KDM5B: variants seen among roughly 807,000 people sequenced by gnomAD.
KDM5B encodes lysine-specific demethylase 5B.
A neutral mutation model predicts 193.4 loss-of-function variants in KDM5B; 144 were observed. That is an observed-to-expected ratio of 0.74 (90% confidence interval 0.65 to 0.86). The LOEUF (loss-of-function observed/expected upper bound fraction) is 0.86. Ranked by LOEUF, KDM5B falls within the 40% of genes least tolerant of loss-of-function variation. KDM5B has a pLI of 0.00. For synonymous variants in KDM5B, 668 were observed against 682.6 expected (o/e 0.98, Z 0.33); for missense variants, 1,833 against 1,886.9 (o/e 0.97, Z 0.53).
At chr1:202,758,924 T>G (rs2102268984) in intron 8 of KDM5B, 1 of 155,860 alleles carries the variant, frequency 6.4e-6, no homozygotes, top group South Asian at 1.9e-4. Context: ...AGAATGGCTC[T>G]CAGGCCAGCA....
intron 1 of KDM5B, among the ~76,000 whole-genome samples, chr1:202,801,889 G>T (rs78903212): frequency 0.025 from 3,742 of 152,018 alleles, 84 homozygotes; most frequent in South Asian, 0.11. Flanking sequence ...AAAGAGACTT[G>T]TCGGTACGCC....
intron 22 of KDM5B, among the ~76,000 whole-genome samples, chr1:202,735,156 T>C (rs1437688765): frequency 6.6e-6 from 1 of 152,200 alleles, no homozygotes; most frequent in Non-Finnish European, 1.5e-5. Flanking sequence ...TATCTTTAGT[T>C]AGCATTCCTG....
chr1:202,787,766 G>T (rs1014013878), intron 1 of KDM5B, among the ~76,000 whole-genome samples: 1 of 151,702 alleles, frequency 6.6e-6, no homozygotes, highest in African/African-American at 2.4e-5. Flanking sequence ...GGTGGCGGGC[G>T]CCTGTAATCC....
chr1:202,777,056 A>G lies in KDM5B; in HGVS notation c.243T>C (p.Leu81=), dbSNP rs755893221. 6.2e-7 allele frequency: 1 copy of G among 1,613,692 alleles called. No homozygotes were observed. The highest frequency in any genetic ancestry group is 1.7e-5 in the Admixed American group (1 of 60,024). Residue 81 remains leucine (L), a synonymous_variant, in exon 2 of 27, where the codon CTT becomes CTC. Transcript: ENST00000367265. ...GTCTCTGGATACGTGGCGTAAAATG[A>G]AGTTTATCAACATCACATGCAAATG... ...QPPFACDVDK[L]HFTPRIQRLN...
chr1:202,801,675 C>A (rs540018580), intron 1 of KDM5B, among the ~76,000 whole-genome samples: 1 of 149,142 alleles, frequency 6.7e-6, no homozygotes, highest in East Asian at 2.0e-4. Flanking sequence ...CCTCTTTAAT[C>A]CCATGCAAGG....
chr1:202,804,805 G>A (rs1380100057), intron 1 of KDM5B, among the ~76,000 whole-genome samples: 1 of 150,490 alleles, frequency 6.6e-6, no homozygotes, highest in Admixed American at 6.6e-5. Flanking sequence ...AGGTCGGGAG[G>A]CAGAGGTTGT....
intron 1 of KDM5B, among the ~76,000 whole-genome samples, chr1:202,804,402 G>C (rs368733080): frequency 1.3e-5 from 2 of 152,098 alleles, no homozygotes; most frequent in Non-Finnish European, 2.9e-5. Flanking sequence ...AAAACAGAGA[G>C]AGGGTTAGGC....
At chr1:202,762,133 A>ACG (rs1656273583) in intron 7 of KDM5B, among the ~76,000 whole-genome samples, 1 of 152,138 alleles carries the variant, frequency 6.6e-6, no homozygotes, top group Admixed American at 6.6e-5. Flanking sequence ...CACAGAATAA[A>ACG]CAGCTCCCAG....
chr1:202,806,589 T>C (rs1658302343), intron 1 of KDM5B: 1 of 152,188 alleles, frequency 6.6e-6, no homozygotes, highest in African/African-American at 2.4e-5. Flanking sequence ...TTCTGAAGCA[T>C]GTATTTCATC....
Position 202,742,519 on chromosome 1 carries a change from G to C in KDM5B, c.2475-14C>G, listed in dbSNP as rs1339407987. On this transcript the variant is annotated splice_polypyrimidine_tract_variant and intron_variant, in intron 17 of 26. Coordinates refer to ENST00000367265, the MANE Select transcript of KDM5B (RefSeq NM_006618.5). Reference sequence around the variant, plus strand: ...CCAGATCGATATCTGTAAAGACAAAGGCCCAAGGAAGCCATATAAGAATAC... The same window carrying C: ...CCAGATCGATATCTGTAAAGACAAACGCCCAAGGAAGCCATATAAGAATAC... 2 of 1,611,164 alleles carry C rather than the reference G, an allele frequency of 1.2e-6. No individual in the cohort carries two copies. Among genetic ancestry groups the C allele is most frequent in the African/African-American group, 1.3e-5 (1 of 74,868 alleles).
chr1:202,784,025 TAAC>T (rs1369170743), intron 1 of KDM5B, among the ~76,000 whole-genome samples: 13 of 152,218 alleles, frequency 8.5e-5, no homozygotes, highest in Admixed American at 3.9e-4. Flanking sequence ...AGCATTAACT[TAAC>T]AACAACTAAA....
rs1558477095 is a variant in KDM5B, at chr1:202,729,750, GC to G, written c.4453del (p.Ala1485ProfsTer6). On this transcript the variant is annotated frameshift_variant, in exon 26 of 27. Transcript: ENST00000367265. LOFTEE classifies it high-confidence loss of function. ...CAGGCAGCTCACAGCTGGGCAGATG[GC>G]ATCTTCATCCTCAGAGTCTTCCTGT... Reference protein sequence around the residue: ...SEQEDSEDEDAICPAVSCLQP... With the variant: ...SEQEDSEDEDXICPAVSCLQP... 6.2e-7 allele frequency: 1 copy of G among 1,614,120 alleles called. No homozygotes were observed. Among genetic ancestry groups the G allele is most frequent in the Non-Finnish European group, 8.5e-7 (1 of 1,179,980 alleles).
intron 1 of KDM5B, among the ~76,000 whole-genome samples, chr1:202,799,931 A>T (rs1658006173): frequency 1.3e-5 from 2 of 152,360 alleles, no homozygotes; most frequent in South Asian, 4.1e-4. Context: ...ACATTAATAG[A>T]AAATATTTTC....
intron 11 of KDM5B, among the ~76,000 whole-genome samples, chr1:202,754,451 G>A (rs1339834440): frequency 5.3e-5 from 8 of 151,974 alleles, no homozygotes; most frequent in South Asian, 4.2e-4. Context: ...CATCCCTCCC[G>A]CCTTGCCCCC....
At chr1:202,755,123 G>C in intron 11 of KDM5B, 148 bp downstream of exon 11, 1 of 575,436 alleles carries the variant, frequency 1.7e-6, no homozygotes, top group Non-Finnish European at 3.1e-6. Context: ...TAACTTGTCA[G>C]GATGCCTGTT....
Position 202,745,969 on chromosome 1 carries a change from G to A in KDM5B, c.2212C>T (p.Leu738=). 6.2e-7 allele frequency: 1 copy of A among 1,613,874 alleles called. No individual in the cohort carries two copies. ...TTCATCATAGGGTAGAGATCATCCA[G>A]CGTGTACCTATACCTGGAAATAATA... ...YKYKLRYRYT[L]DDLYPMMNAL... The change falls in exon 16 of 27, where the codon CTG becomes TTG. Residue 738 remains leucine, a synonymous_variant. Coordinates refer to ENST00000367265, the MANE Select transcript of KDM5B (RefSeq NM_006618.5).
chr1:202,725,249 A>G lies in KDM5B; in HGVS notation c.*3787T>C, dbSNP rs1654635614. On this transcript the variant is annotated 3_prime_UTR_variant, in exon 27 of 27. Coordinates refer to ENST00000367265, the MANE Select transcript of KDM5B (RefSeq NM_006618.5). Reference sequence around the variant, plus strand: ...GTGTATTCCTATGTAAGCAATATTGAAACATGAAAAACTTGTTCACATAAA... The same window carrying G: ...GTGTATTCCTATGTAAGCAATATTGGAACATGAAAAACTTGTTCACATAAA... The G allele has an allele frequency of 6.6e-6, 1 of 152,252 alleles. No individual in the cohort carries two copies. The highest frequency in any genetic ancestry group is 2.1e-4 in the South Asian group (1 of 4,838). 9.4% of individuals were successfully genotyped at this position (152,252 alleles called of 1,614,324 possible). A position where few individuals can be genotyped will look rare whatever the true frequency, so the allele number is the denominator to read the frequency against.
intron 1 of KDM5B, among the ~76,000 whole-genome samples, chr1:202,778,918 A>G (rs1657076379): frequency 1.3e-5 from 2 of 152,034 alleles, no homozygotes; most frequent in South Asian, 4.1e-4. Flanking sequence ...CACCGCACCC[A>G]GCCTAGATCT....
At chr1:202,772,986 C>T (rs1355077290) in intron 4 of KDM5B, 132 bp downstream of exon 4, 15 of 638,956 alleles carry the variant, frequency 2.3e-5, no homozygotes, top group Non-Finnish European at 3.2e-5. Flanking sequence ...AGTGAGCCAC[C>T]GCGCCCCACC....
Sources: allele counts gnomAD v4.1 joint callset (sites outside exome capture counted in the v4.1 genomes callset), GRCh38; gene constraint gnomAD v4.1.1; transcripts MANE v1.5; gene names NCBI Gene and HGNC (gene_info 2026-07-23, HGNC 2026-07-21).